Variants in PAK3 observed in about 807,000 individuals in gnomAD.
The protein encoded by PAK3 is serine/threonine-protein kinase PAK 3.
A neutral mutation model predicts 41.0 loss-of-function variants in PAK3; 4 were observed. The observed-to-expected ratio is 0.10, with a 90% CI of 0.05 to 0.22. The LOEUF is 0.22. PAK3 is among the 10% of genes least tolerant of loss of function. The pLI, the probability that PAK3 is intolerant of heterozygous loss-of-function variation, is 1.00. For synonymous variants in PAK3, 146 were observed against 139.6 expected (o/e 1.05, Z -0.32); for missense variants, 205 against 409.9 (o/e 0.50, Z 4.32).
chrX:111,035,143 GAAA>G (rs2092385072), intron 1 of PAK3, among the ~76,000 whole-genome samples: 1 of 32,447 alleles, frequency 3.1e-5, no homozygotes, highest in African/African-American at 6.4e-5. Context: ...AAGAAAGAAA[GAAA>G]GAAAGAAAGG....
upstream of PAK3, among the ~76,000 whole-genome samples, chrX:111,095,896 C>T (rs960367714): frequency 1.8e-5 from 2 of 111,534 alleles, no homozygotes; most frequent in African/African-American, 6.5e-5. Flanking sequence ...GAACTCTCCC[C>T]TCCTCTCCAT....
At chrX:111,198,918 A>G (rs1167615960) in intron 16 of PAK3, among the ~76,000 whole-genome samples, 1 of 111,703 alleles carries the variant, frequency 9.0e-6, no homozygotes. Flanking sequence ...TACTTTGGGC[A>G]GTATGGCCAT....
At chrX:111,068,597 C>T (rs1027130121) in intron 1 of PAK3, among the ~76,000 whole-genome samples, 3 of 112,782 alleles carry the variant, frequency 2.7e-5, no homozygotes, top group Non-Finnish European at 5.6e-5. Context: ...CCACTGTGCC[C>T]GACCCATGGG....
At chrX:111,212,731 A>C (rs974008234) in intron 16 of PAK3, among the ~76,000 whole-genome samples, 1 of 112,207 alleles carries the variant, frequency 8.9e-6, no homozygotes, top group African/African-American at 3.2e-5. Flanking sequence ...ATAGATGGGG[A>C]TTTTTGTGTA....
chrX:110,998,803 G>A (rs758190698), intron 1 of PAK3, among the ~76,000 whole-genome samples: 12 of 112,174 alleles, frequency 1.1e-4, no homozygotes, highest in Non-Finnish European at 1.7e-4. Flanking sequence ...AATGAATGAA[G>A]AAATGAATAA....
chrX:111,207,971 T>C lies in PAK3; in HGVS notation c.1408-8450T>C, dbSNP rs753594413. On this transcript the variant is annotated intron_variant, in intron 16 of 17. Transcript: ENST00000372007. ...CACCACACTCAGCTAATTTTTGTATTTGTAGTAGAGACGAGGTTTCGCCCT... is the reference window on the plus strand; with the variant it reads ...CACCACACTCAGCTAATTTTTGTATCTGTAGTAGAGACGAGGTTTCGCCCT... Among the ~76,000 whole-genome samples the C allele has an allele frequency of 3.8e-4, 43 of 112,034 alleles. No homozygotes were observed. In the South Asian group the frequency reaches 0.014, roughly 37 times the overall value.
intron 10 of PAK3, among the ~76,000 whole-genome samples, chrX:111,169,813 A>G (rs2094312389): frequency 8.9e-6 from 1 of 112,086 alleles, no homozygotes; most frequent in Non-Finnish European, 1.9e-5. Flanking sequence ...ATGAGCTACC[A>G]TTAGTTTGTT....
At position 111,192,181 on chromosome X, in the gene PAK3, T is replaced by C. The variant is rs775217335; in HGVS notation, c.879+6T>C. The C allele has an allele frequency of 9.5e-7, 1 of 1,053,153 alleles. No individual in the cohort carries two copies. The highest frequency in any genetic ancestry group is 1.3e-6 in the Non-Finnish European group (1 of 751,852). 86.8% of individuals were successfully genotyped at this position (1,053,153 alleles called of 1,213,427 possible). On this transcript the variant is annotated splice_donor_region_variant and intron_variant, in intron 12 of 17. Transcript: ENST00000372007. The stretch of plus-strand genomic sequence containing the variant: ...ACATTGCAACAGGACAAGAGGTAAG[T>C]GCTAACGTTCAATCCTGATTTTTAT...
At chrX:111,198,129 T>C (rs1440534721) in intron 16 of PAK3, among the ~76,000 whole-genome samples, 1 of 112,781 alleles carries the variant, frequency 8.9e-6, no homozygotes, top group East Asian at 2.8e-4. Context: ...GTATGTCTTC[T>C]TTTCAGAAGT....
At chrX:111,128,904 T>C (rs2093682621) in intron 5 of PAK3, among the ~76,000 whole-genome samples, 2 of 112,006 alleles carry the variant, frequency 1.8e-5, no homozygotes, top group South Asian at 7.4e-4. Context: ...GTGTGTACTT[T>C]ATAGGCTTGC....
At chrX:110,982,454 C>CTA (rs1005062325) in intron 1 of PAK3, among the ~76,000 whole-genome samples, 1 of 111,955 alleles carries the variant, frequency 8.9e-6, no homozygotes, top group African/African-American at 3.3e-5. Flanking sequence ...ATGAGATAAC[C>CTA]TATATATAAA....
At chrX:111,011,184 G>A (rs2092006200) in intron 1 of PAK3, among the ~76,000 whole-genome samples, 1 of 111,361 alleles carries the variant, frequency 9.0e-6, no homozygotes, top group African/African-American at 3.3e-5. Flanking sequence ...TGCAGCAAGG[G>A]GAAGGCAGTT....
intron 1 of PAK3, among the ~76,000 whole-genome samples, chrX:111,074,263 T>C (rs1274319415): frequency 1.8e-5 from 2 of 111,403 alleles, no homozygotes; most frequent in Non-Finnish European, 3.8e-5. Context: ...GTGTTAGAGG[T>C]GGGGGCCTGT....
intron 1 of PAK3, among the ~76,000 whole-genome samples, chrX:111,032,702 T>C (rs1157043646): frequency 9.0e-6 from 1 of 111,446 alleles, no homozygotes; most frequent in African/African-American, 3.3e-5. Context: ...GCAATTTTGC[T>C]CCGTTTCCCT....
chrX:111,045,535 GT>G, intron 1 of PAK3, among the ~76,000 whole-genome samples: 1 of 111,598 alleles, frequency 9.0e-6, no homozygotes, highest in African/African-American at 3.3e-5. Context: ...ATGTTCTGAT[GT>G]TTTTTTCCCC....
At chrX:111,063,856 T>TG (rs1486035603) in intron 1 of PAK3, among the ~76,000 whole-genome samples, 2 of 106,869 alleles carry the variant, frequency 1.9e-5, no homozygotes, top group African/African-American at 6.9e-5. Flanking sequence ...TCCTTAAACA[T>TG]GGAAAGAAGC....
intron 1 of PAK3, among the ~76,000 whole-genome samples, chrX:110,949,298 T>C (rs533336777): frequency 5.4e-5 from 6 of 111,136 alleles, no homozygotes; most frequent in African/African-American, 2.0e-4. Context: ...TCCTCTTGAG[T>C]GTATAGTTGT....
At chrX:111,106,079 C>T (rs2093256054) in intron 4 of PAK3, among the ~76,000 whole-genome samples, 1 of 111,473 alleles carries the variant, frequency 9.0e-6, no homozygotes, top group Non-Finnish European at 1.9e-5. Context: ...CCTCCACATT[C>T]GTGTACATGC....
intron 1 of PAK3, among the ~76,000 whole-genome samples, chrX:111,054,648 A>C (rs1326385944): frequency 8.9e-6 from 1 of 111,802 alleles, no homozygotes; most frequent in African/African-American, 3.3e-5. Flanking sequence ...TCCTCATGCT[A>C]TTCCTGGAAT....
Sources: gnomAD v4.1 joint callset for allele counts (sites outside exome capture counted in the v4.1 genomes callset) on GRCh38, gnomAD v4.1.1 for gene constraint, MANE v1.5 for transcripts, NCBI Gene and HGNC (gene_info 2026-07-23, HGNC 2026-07-21) for gene names.